ABCA12: variants seen among roughly 807,000 people sequenced by gnomAD.
ABCA12 encodes the protein glucosylceramide transporter ABCA12.
Under a neutral mutation model 293.5 loss-of-function variants are expected in ABCA12, and 156 were observed. That is an observed-to-expected ratio of 0.53 (90% CI 0.47 to 0.61). The LOEUF (loss-of-function observed/expected upper bound fraction) is 0.61. ABCA12 is among the 20% of genes least tolerant of loss of function. The pLI, the probability that ABCA12 is intolerant of heterozygous loss-of-function variation, is 0.00. For missense variants in ABCA12, 2,797 were observed against 3,090.2 expected, an observed-to-expected ratio of 0.91 and a Z score of 2.25; for synonymous variants, 1,063 against 1,108.0, an observed-to-expected ratio of 0.96 and a Z score of 0.81.
chr2:215,045,907 T>C lies in ABCA12; in HGVS notation c.802A>G (p.Ser268Gly), dbSNP rs374520253. 6 of 1,613,616 alleles carry C rather than the reference T, an allele frequency of 3.7e-6. No homozygotes were observed. In the African/African-American group the frequency reaches 8.0e-5, roughly 22 times the overall value. ...TCATTCTGAAACACATTTGGAAAAC[T>C]AGACAGAAGCTGCCACACAGCTTTC... ...EQKAVWQLLS[S>G]FPNVFQNDTS... The change falls in exon 7 of 53, where the codon AGT becomes GGT. Residue 268 changes from serine to glycine, a missense_variant. Physicochemically the swap from Ser to Gly is moderately conservative, Grantham distance 56. Coordinates refer to ENST00000272895, the MANE Select transcript of ABCA12 (RefSeq NM_173076.3).
chr2:214,997,849 A>G (rs758768151), intron 22 of ABCA12, 40 bp from the exon 23 acceptor site: 1 of 1,143,654 alleles, frequency 8.7e-7, no homozygotes, highest in Non-Finnish European at 1.3e-6. Context: ...AGCGACCAAA[A>G]TGAACACCAT....
At chr2:214,973,297 A>T (rs532212303) in intron 36 of ABCA12, among the ~76,000 whole-genome samples, 1 of 152,324 alleles carries the variant, frequency 6.6e-6, no homozygotes, top group South Asian at 2.1e-4. Flanking sequence ...TGTCACTCTG[A>T]AGAAAATATT....
chr2:215,054,728 T>C (rs1701387102), intron 3 of ABCA12, 64 bp from the exon 4 acceptor site: 1 of 1,268,228 alleles, frequency 7.9e-7, no homozygotes, highest in Non-Finnish European at 1.2e-6. Context: ...CAGCAATGTA[T>C]TATGTGGCAG....
At chr2:215,004,793 A>G (rs1190492926) in intron 19 of ABCA12, 2 of 162,224 alleles carry the variant, frequency 1.2e-5, no homozygotes, top group Non-Finnish European at 2.7e-5. Flanking sequence ...GTCTCAGGTA[A>G]CCTTTTGGTG....
At chr2:214,985,814 G>C (rs1699773124) in intron 28 of ABCA12, among the ~76,000 whole-genome samples, 2 of 152,196 alleles carry the variant, frequency 1.3e-5, no homozygotes, top group African/African-American at 2.4e-5. Flanking sequence ...GCATCTTAGA[G>C]CTGACTCAGC....
intron 1 of ABCA12, among the ~76,000 whole-genome samples, chr2:215,124,214 G>C (rs1026146107): frequency 2.6e-5 from 4 of 152,144 alleles, no homozygotes; most frequent in African/African-American, 9.7e-5. Flanking sequence ...ATTGTGCATT[G>C]TGCTGCTATA....
In ABCA12 at chr2:215,099,650, G is replaced by A. The variant is rs138651101; in HGVS notation, c.163+11947C>T. On this transcript the variant is annotated intron_variant, in intron 2 of 52. Transcript: ENST00000272895. ...GGAGGTTGTAGTGAGCCCACATCACGCCACTGCACTCCAGCTTGGTGACAG... is the reference window on the plus strand; with the variant it reads ...GGAGGTTGTAGTGAGCCCACATCACACCACTGCACTCCAGCTTGGTGACAG... Among the ~76,000 whole-genome samples, 608 of 147,474 alleles carry A rather than the reference G, an allele frequency of 4.1e-3. 1 individual carries two copies. Among genetic ancestry groups the A allele is most frequent in the African/African-American group, 0.014 (566 of 39,690 alleles).
At position 214,996,807 on chromosome 2, in the gene ABCA12, G is replaced by T. The variant is rs73090416; in HGVS notation, c.3294+888C>A. On this transcript the variant is annotated intron_variant, in intron 23 of 52. Coordinates refer to ENST00000272895, the MANE Select transcript of ABCA12 (RefSeq NM_173076.3). ...AAATGATCAATTGTCTAAAAGCATTGGCAAGGTAAGTCTGAAAAGGACAAG... is the reference window on the plus strand; with the variant it reads ...AAATGATCAATTGTCTAAAAGCATTTGCAAGGTAAGTCTGAAAAGGACAAG... Among the ~76,000 whole-genome samples, 702 of 152,208 alleles carry T rather than the reference G, an allele frequency of 4.6e-3. 10 individuals are homozygous for T. The highest frequency in any genetic ancestry group is 0.016 in the African/African-American group (683 of 41,526).
At chr2:215,092,387 C>T (rs1702166156) in intron 2 of ABCA12, among the ~76,000 whole-genome samples, 1 of 152,044 alleles carries the variant, frequency 6.6e-6, no homozygotes, top group Non-Finnish European at 1.5e-5. Context: ...CTACTCTGTT[C>T]CTGGACTATA....
At chr2:215,037,446 A>T (rs1416990524) in intron 7 of ABCA12, among the ~76,000 whole-genome samples, 1 of 152,196 alleles carries the variant, frequency 6.6e-6, no homozygotes, top group Non-Finnish European at 1.5e-5. Flanking sequence ...TATTTTCATT[A>T]AAAACCAAAC....
intron 27 of ABCA12, 112 bp from the exon 28 acceptor site, chr2:214,986,840 A>T (rs867772122): frequency 1.0e-6 from 1 of 974,472 alleles, no homozygotes; most frequent in Middle Eastern, 2.7e-4. Context: ...CCCTCTAAGT[A>T]AAATAAAAAA....
Position 215,011,954 on chromosome 2 carries a change from C to G in ABCA12, c.2121+17G>C. The G allele has an allele frequency of 6.2e-7, 1 of 1,602,298 alleles. No individual in the cohort carries two copies. Among genetic ancestry groups the G allele is most frequent in the South Asian group, 1.1e-5 (1 of 90,868 alleles). On this transcript the variant is annotated intron_variant, in intron 16 of 52. Coordinates refer to ENST00000272895, the MANE Select transcript of ABCA12 (RefSeq NM_173076.3). The stretch of plus-strand genomic sequence containing the variant: ...AAGGCATTTTTCAACAAGAACATTA[C>G]TGGGTGACTTTGCTACCTGTGTTAA...
intron 2 of ABCA12, among the ~76,000 whole-genome samples, chr2:215,076,874 A>T (rs1444747387): frequency 2.0e-4 from 30 of 152,208 alleles, no homozygotes; most frequent in Admixed American, 2.0e-3. Context: ...AGCTTAATAC[A>T]AAAGGATGTG....
intron 11 of ABCA12, among the ~76,000 whole-genome samples, chr2:215,024,072 T>G (rs1168340609): frequency 1.3e-5 from 2 of 152,196 alleles, no homozygotes; most frequent in Non-Finnish European, 1.5e-5. Flanking sequence ...TCTATCTTCT[T>G]AAACTCAGGA....
chr2:215,021,934 G>C (rs1343235755), intron 11 of ABCA12: 1 of 152,020 alleles, frequency 6.6e-6, no homozygotes, highest in African/African-American at 2.4e-5. Context: ...TAGTGTTATT[G>C]CTATGAGAGA....
At chr2:215,090,824 G>A (rs986267140) in intron 2 of ABCA12, among the ~76,000 whole-genome samples, 9 of 151,780 alleles carry the variant, frequency 5.9e-5, no homozygotes, top group East Asian at 3.9e-4. Context: ...GCAATCTTCC[G>A]CCCACCATTC....
intron 2 of ABCA12, among the ~76,000 whole-genome samples, chr2:215,066,075 T>C (rs1701634555): frequency 6.6e-6 from 1 of 151,968 alleles, no homozygotes. Flanking sequence ...AAATAGAGAG[T>C]AGCTGCTAAA....
chr2:215,019,920 A>G, intron 11 of ABCA12, 124 bp from the exon 12 acceptor site: 1 of 1,194,440 alleles, frequency 8.4e-7, no homozygotes, highest in South Asian at 1.3e-5. Context: ...GTATGTGGTT[A>G]GTTGGCATTT....
intron 19 of ABCA12, 106 bp downstream of exon 19, chr2:215,007,621 C>T: frequency 6.4e-6 from 9 of 1,401,622 alleles, no homozygotes; most frequent in Non-Finnish European, 9.0e-6. Context: ...GCAATTTAAT[C>T]TGTTGAATAC....
Sources: allele counts gnomAD v4.1 joint callset (sites outside exome capture counted in the v4.1 genomes callset), GRCh38; gene constraint gnomAD v4.1.1; transcripts MANE v1.5; gene names NCBI Gene and HGNC (gene_info 2026-07-23, HGNC 2026-07-21).